Variants in STK3 observed in about 807,000 individuals in gnomAD.
The protein encoded by STK3 is serine/threonine-protein kinase 3.
A neutral mutation model predicts 58.0 loss-of-function variants in STK3; 41 were observed. The observed-to-expected ratio is 0.71, with a 90% CI of 0.55 to 0.92. The LOEUF is 0.92. Among genes scored for constraint, STK3 ranks in the 40% least tolerant of loss-of-function variants. The pLI is 0.00. For missense variants in STK3, 479 were observed against 602.7 expected, an observed-to-expected ratio of 0.79 and a Z score of 2.15; for synonymous variants, 170 against 191.0, an observed-to-expected ratio of 0.89 and a Z score of 0.91.
intron 1 of STK3, among the ~76,000 whole-genome samples, chr8:98,779,208 C>G (rs1178175737): frequency 2.0e-5 from 3 of 151,880 alleles, no homozygotes; most frequent in Non-Finnish European, 4.4e-5. Context: ...TAGGTGAAAA[C>G]TAAAAGCCTG....
chr8:98,443,141 C>T (rs1230850374), intron 1 of STK3, among the ~76,000 whole-genome samples: 1 of 152,140 alleles, frequency 6.6e-6, no homozygotes, highest in African/African-American at 2.4e-5. Context: ...TTCCATAAGA[C>T]AATAGAGAAA....
intron 10 of STK3, among the ~76,000 whole-genome samples, chr8:98,519,386 G>C (rs550676466): frequency 6.6e-6 from 1 of 152,182 alleles, no homozygotes; most frequent in East Asian, 1.9e-4. Context: ...TTACTAAAGG[G>C]GTGGCCCTGC....
chr8:98,798,700 G>C (rs889763933), intron 1 of STK3, among the ~76,000 whole-genome samples: 1 of 152,068 alleles, frequency 6.6e-6, no homozygotes, highest in African/African-American at 2.4e-5. Context: ...GAATCTAAAC[G>C]GTCAATGTCA....
rs1348310326 is a variant in STK3, at chr8:98,585,433, C to A, written c.823-5644G>T. Reference sequence around the variant, plus strand: ...ATATGCGGCATTATTTCTAAGGGCTCTGTTCTGTTCCATTGATCTATATCT... The same window carrying A: ...ATATGCGGCATTATTTCTAAGGGCTATGTTCTGTTCCATTGATCTATATCT... On this transcript the variant is annotated intron_variant, in intron 7 of 10. Coordinates refer to ENST00000419617, the MANE Select transcript of STK3 (RefSeq NM_006281.4). 1.3e-5 allele frequency among the ~76,000 whole-genome samples: 2 copies of A among 151,780 alleles called. 1 individual carries two copies. Among genetic ancestry groups the A allele is most frequent in the South Asian group, 4.2e-4 (2 of 4,762 alleles).
intron 9 of STK3, among the ~76,000 whole-genome samples, chr8:98,534,545 G>A (rs1017739856): frequency 3.3e-5 from 5 of 152,054 alleles, no homozygotes; most frequent in South Asian, 2.1e-4. Flanking sequence ...TAAAAATAAA[G>A]ATATGGTGTC....
At chr8:98,911,535 A>C (rs138903934) in intron 1 of STK3, among the ~76,000 whole-genome samples, 18 of 152,262 alleles carry the variant, frequency 1.2e-4, no homozygotes, top group African/African-American at 2.9e-4. Context: ...TGGGTATTAC[A>C]GGCACACGCC....
intron 1 of STK3, among the ~76,000 whole-genome samples, chr8:98,777,152 T>C (rs1028352880): frequency 6.6e-6 from 1 of 152,122 alleles, no homozygotes; most frequent in Admixed American, 6.5e-5. Flanking sequence ...AGTCTGTCAG[T>C]AAGTTGGAAG....
At chr8:98,662,752 G>A (rs1488752334) in intron 6 of STK3, among the ~76,000 whole-genome samples, 2 of 151,220 alleles carry the variant, frequency 1.3e-5, no homozygotes, top group African/African-American at 4.9e-5. Flanking sequence ...GTATACATGT[G>A]CCACATTGTT....
chr8:98,766,476 G>A (rs972385109), intron 3 of STK3, among the ~76,000 whole-genome samples: 6 of 152,146 alleles, frequency 3.9e-5, no homozygotes, highest in African/African-American at 1.2e-4. Context: ...ATAGTGCAGT[G>A]CTGCAATCAT....
At chr8:98,407,713 CAT>C (rs1491391333) in intron 3 of STK3, among the ~76,000 whole-genome samples, 16 of 110,696 alleles carry the variant, frequency 1.4e-4, no homozygotes, top group South Asian at 7.0e-4. Flanking sequence ...CAGATGAGTG[CAT>C]GTGTGTGTGT....
intron 3 of STK3, among the ~76,000 whole-genome samples, chr8:98,753,660 A>C (rs910284362): frequency 5.9e-5 from 9 of 152,192 alleles, no homozygotes; most frequent in Non-Finnish European, 1.3e-4. Context: ...AATAATAAAA[A>C]CATCAGTCAT....
intron 3 of STK3, among the ~76,000 whole-genome samples, chr8:98,858,020 CAT>C (rs1358259441): frequency 3.3e-5 from 5 of 151,828 alleles, no homozygotes; most frequent in Admixed American, 6.6e-5. Flanking sequence ...AATTTTCTCA[CAT>C]GTTTACCAAT....
intron 1 of STK3, among the ~76,000 whole-genome samples, chr8:98,790,623 C>T (rs1487933671): frequency 6.6e-6 from 1 of 152,196 alleles, no homozygotes; most frequent in African/African-American, 2.4e-5. Flanking sequence ...AGGATGCCCA[C>T]TCTCACCACT....
intron 4 of STK3, chr8:98,721,059 A>G: frequency 2.0e-6 from 2 of 980,300 alleles, no homozygotes; most frequent in Non-Finnish European, 2.4e-6. Flanking sequence ...GAATTGTAGA[A>G]GTAAGCACAC....
downstream of STK3, among the ~76,000 whole-genome samples, chr8:98,397,268 C>A (rs138124683): frequency 1.3e-5 from 2 of 152,208 alleles, no homozygotes; most frequent in African/African-American, 2.4e-5. Context: ...GTGGCTCATG[C>A]GTGTAATCCC....
chr8:98,788,239 A>C (rs776060701), intron 1 of STK3, among the ~76,000 whole-genome samples: 4 of 152,020 alleles, frequency 2.6e-5, no homozygotes, highest in Non-Finnish European at 5.9e-5. Flanking sequence ...GGAGTTCGAG[A>C]CCAGCCTGGA....
chr8:98,598,340 C>A, intron 6 of STK3: 1 of 985,316 alleles, frequency 1.0e-6, no homozygotes, highest in Non-Finnish European at 1.2e-6. Flanking sequence ...TTACCCAGTA[C>A]TCTCATAAAG....
chr8:98,573,815 A>G (rs999170359), intron 8 of STK3, among the ~76,000 whole-genome samples: 1 of 152,180 alleles, frequency 6.6e-6, no homozygotes, highest in African/African-American at 2.4e-5. Context: ...TAATTTATAA[A>G]GAAAGGAGAC....
chr8:98,921,738 T>G lies in STK3; in HGVS notation c.-79+20640A>C, dbSNP rs180812226. On this transcript the variant is annotated intron_variant, in intron 1 of 1. Transcript: ENST00000519420. ...AGACAGTCTCACTCTATCACCCAGG[T>G]TGGAGTGCAGTGGCATGATTTCGGC... 1.1e-4 allele frequency among the ~76,000 whole-genome samples: 16 copies of G among 152,220 alleles called. No homozygotes were observed. In the East Asian group the frequency reaches 3.1e-3, roughly 29 times the overall value.
Sources: gnomAD v4.1 joint callset for allele counts (sites outside exome capture counted in the v4.1 genomes callset) on GRCh38, gnomAD v4.1.1 for gene constraint, MANE v1.5 for transcripts, NCBI Gene and HGNC (gene_info 2026-07-23, HGNC 2026-07-21) for gene names.